The following SPOCK1 variants were observed in gnomAD, a reference collection of about 807,000 sequenced individuals.
SPOCK1 encodes testican-1.
SPOCK1 carries 23 observed loss-of-function variants against 55.3 expected under a neutral mutation model. The ratio of observed to expected loss-of-function variants is 0.42; its 90% CI spans 0.30 to 0.59. The LOEUF is 0.59. Ranked by LOEUF, SPOCK1 falls within the 20% of genes least tolerant of loss-of-function variation. The probability of loss-of-function intolerance (pLI) is 0.22; values close to 1 mark genes in which losing one functional copy is unlikely to be tolerated. For synonymous variants in SPOCK1, 226 were observed against 221.0 expected, an observed-to-expected ratio of 1.02 and a Z score of -0.20; for missense variants, 499 against 552.5, an observed-to-expected ratio of 0.90 and a Z score of 0.97.
At chr5:137,023,342 G>A (rs191145394) in intron 6 of SPOCK1, among the ~76,000 whole-genome samples, 35 of 152,160 alleles carry the variant, frequency 2.3e-4, no homozygotes, top group African/African-American at 7.7e-4. Context: ...GAAACAGAAG[G>A]GCTGGCTTCA....
chr5:137,356,529 C>T (rs1012427336), intron 2 of SPOCK1, among the ~76,000 whole-genome samples: 1 of 151,526 alleles, frequency 6.6e-6, no homozygotes, highest in Non-Finnish European at 1.5e-5. Context: ...GTGGTTCAGG[C>T]TTGTAATCCC....
rs1029850098 is a variant in SPOCK1, at chr5:137,003,860, C to A, written c.590-11260G>T. ...ATCAGATCCTGAAGGTGATAGGAAG[C>A]TTAGGAGGTGTCCAGAACCTGGGAA... On this transcript the variant is annotated intron_variant, in intron 6 of 10. Transcript: ENST00000394945. 1.1e-4 allele frequency among the ~76,000 whole-genome samples: 16 copies of A among 152,148 alleles called. 1 individual carries two copies. The highest frequency in any genetic ancestry group is 1.9e-4 in the Non-Finnish European group (13 of 68,038).
At chr5:137,324,701 A>T (rs1758044003) in intron 2 of SPOCK1, among the ~76,000 whole-genome samples, 1 of 152,228 alleles carries the variant, frequency 6.6e-6, no homozygotes, top group Non-Finnish European at 1.5e-5. Context: ...TCAGCCATAC[A>T]ACAATATGCA....
At chr5:137,408,230 C>G (rs1188496813) in intron 2 of SPOCK1, among the ~76,000 whole-genome samples, 1 of 152,212 alleles carries the variant, frequency 6.6e-6, no homozygotes, top group South Asian at 2.1e-4. Context: ...GTGTTCCTGA[C>G]ACTCCCCATA....
intron 6 of SPOCK1, among the ~76,000 whole-genome samples, chr5:137,065,227 CAAAA>C (rs10697469): frequency 8.6e-6 from 1 of 116,196 alleles, no homozygotes; most frequent in Non-Finnish European, 1.7e-5. Flanking sequence ...GATTTCATCT[CAAAA>C]AAAAAAAAAA....
intron 3 of SPOCK1, among the ~76,000 whole-genome samples, chr5:137,171,196 T>C (rs921869257): frequency 5.3e-5 from 8 of 152,144 alleles, no homozygotes; most frequent in African/African-American, 1.9e-4. Flanking sequence ...TCTGCTCTTC[T>C]CCCATCACGC....
chr5:137,119,005 C>T (rs1753640780), intron 4 of SPOCK1, among the ~76,000 whole-genome samples: 1 of 152,172 alleles, frequency 6.6e-6, no homozygotes, highest in Non-Finnish European at 1.5e-5. Flanking sequence ...AGGGTAAATG[C>T]TATTAATAAA....
intron 3 of SPOCK1, among the ~76,000 whole-genome samples, chr5:137,235,447 G>A (rs1756160658): frequency 6.6e-6 from 1 of 152,246 alleles, no homozygotes. Context: ...TCAACCACTA[G>A]TTTCAACCTG....
intron 3 of SPOCK1, among the ~76,000 whole-genome samples, chr5:137,228,124 T>C (rs1195630750): frequency 6.6e-6 from 1 of 152,226 alleles, no homozygotes; most frequent in African/African-American, 2.4e-5. Context: ...CATCCCTGAA[T>C]GACTTAAGCC....
intron 2 of SPOCK1, among the ~76,000 whole-genome samples, chr5:137,305,343 A>G (rs1757683655): frequency 1.3e-5 from 2 of 152,214 alleles, no homozygotes; most frequent in South Asian, 4.1e-4. Context: ...TTCTCCCTGC[A>G]TAAGGATGTC....
chr5:137,490,346 G>A (rs779617653), intron 2 of SPOCK1, among the ~76,000 whole-genome samples: 1 of 152,108 alleles, frequency 6.6e-6, no homozygotes, highest in Non-Finnish European at 1.5e-5. Context: ...TGGAGCTTGG[G>A]GACTGCCTGA....
intron 2 of SPOCK1, among the ~76,000 whole-genome samples, chr5:137,377,196 T>C (rs907543887): frequency 3.9e-5 from 6 of 152,206 alleles, no homozygotes; most frequent in African/African-American, 1.2e-4. Context: ...AGGTATGCGC[T>C]TCAAGCACTG....
chr5:137,205,897 A>G (rs983639783), intron 3 of SPOCK1, among the ~76,000 whole-genome samples: 1 of 152,222 alleles, frequency 6.6e-6, no homozygotes, highest in Non-Finnish European at 1.5e-5. Context: ...CCAAAGCCCT[A>G]TGAGAAAGAC....
intron 5 of SPOCK1, among the ~76,000 whole-genome samples, chr5:137,068,817 C>T (rs1752555550): frequency 6.6e-6 from 1 of 152,174 alleles, no homozygotes; most frequent in Admixed American, 6.5e-5. Context: ...TTGCTATTGG[C>T]CTGGATCTGT....
intron 2 of SPOCK1, among the ~76,000 whole-genome samples, chr5:137,480,415 C>T (rs900111894): frequency 1.3e-5 from 2 of 151,936 alleles, no homozygotes; most frequent in Non-Finnish European, 2.9e-5. Flanking sequence ...CAGTTCTAAT[C>T]GGCTCTACCA....
At chr5:137,364,032 C>T (rs1751004887) in intron 2 of SPOCK1, among the ~76,000 whole-genome samples, 1 of 152,192 alleles carries the variant, frequency 6.6e-6, no homozygotes, top group Non-Finnish European at 1.5e-5. Flanking sequence ...CCTGCACCTG[C>T]CCCAGCCCAG....
In SPOCK1 at chr5:137,067,563, C is replaced by A. The variant is rs1039954602; in HGVS notation, c.589+152G>T. 11 of 591,828 alleles carry A rather than the reference C, an allele frequency of 1.9e-5. No homozygotes were observed. In the African/African-American group the frequency reaches 2.1e-4, roughly 11 times the overall value. The allele number at this position is 591,828 out of a possible 1,614,324, so 36.7% of individuals were successfully genotyped here. On this transcript the variant is annotated intron_variant, in intron 6 of 10. Coordinates refer to ENST00000394945, the MANE Select transcript of SPOCK1 (RefSeq NM_004598.4). ...TTTTTAATGGTAGTTGAAGGCAATTCGGTTTAGGGTCCCTAAATCTGGAGT... is the reference window on the plus strand; with the variant it reads ...TTTTTAATGGTAGTTGAAGGCAATTAGGTTTAGGGTCCCTAAATCTGGAGT...
chr5:137,017,116 G>C (rs1751461165), intron 6 of SPOCK1, among the ~76,000 whole-genome samples: 1 of 152,256 alleles, frequency 6.6e-6, no homozygotes, highest in Non-Finnish European at 1.5e-5. Flanking sequence ...GCTGCCTGCT[G>C]CTTATGTGAA....
chr5:137,152,207 G>T (rs1012254464), intron 3 of SPOCK1, among the ~76,000 whole-genome samples: 1 of 152,136 alleles, frequency 6.6e-6, no homozygotes, highest in African/African-American at 2.4e-5. Context: ...CTGTTTTTAC[G>T]TTTTGTGTGT....
Sources: allele counts gnomAD v4.1 joint callset (sites outside exome capture counted in the v4.1 genomes callset), GRCh38; gene constraint gnomAD v4.1.1; transcripts MANE v1.5; gene names NCBI Gene and HGNC (gene_info 2026-07-23, HGNC 2026-07-21).